AP3S1: variants seen among roughly 807,000 people sequenced by gnomAD.
The protein encoded by AP3S1 is adaptor related protein complex 3 subunit sigma 1, also known as AP-3 complex subunit sigma-1.
A neutral mutation model predicts 21.3 loss-of-function variants in AP3S1; 12 were observed. The observed-to-expected ratio is 0.56, with a 90% confidence interval of 0.36 to 0.91. The LOEUF (loss-of-function observed/expected upper bound fraction) is 0.91. Ranked by LOEUF, AP3S1 falls within the 40% of genes least tolerant of loss-of-function variation. AP3S1 has a pLI of 0.01. For missense variants in AP3S1, 116 were observed against 225.0 expected (o/e 0.52, Z 3.10); for synonymous variants, 48 against 78.4 (o/e 0.61, Z 2.05).
intron 2 of AP3S1, 68 bp from the exon 3 acceptor site, chr5:115,869,949 T>C: frequency 1.0e-6 from 1 of 977,448 alleles, no homozygotes; most frequent in Non-Finnish European, 1.5e-6. Context: ...AAATTGTCAG[T>C]TTGCTTGAGC....
intron 1 of AP3S1, 25 bp downstream of exon 1, chr5:115,842,131 C>A: frequency 1.3e-6 from 2 of 1,514,612 alleles, no homozygotes; most frequent in Admixed American, 2.1e-5. Flanking sequence ...GCCGCTGATC[C>A]GGGCGAGGGG....
chr5:115,899,175 C>A (rs1751007978), intron 4 of AP3S1, among the ~76,000 whole-genome samples: 1 of 152,196 alleles, frequency 6.6e-6, no homozygotes. Flanking sequence ...GACTTAAGAG[C>A]AGAGTGCTTT....
rs886871831 is a variant in AP3S1 at position 115,912,727 on chromosome 5, C to T, written c.454-635C>T. 2.0e-5 allele frequency among the ~76,000 whole-genome samples: 3 copies of T among 152,020 alleles called. No individual in the cohort carries two copies. The East Asian group carries it at 5.8e-4, about 29-fold the overall frequency. On this transcript the variant is annotated intron_variant, in intron 5 of 5. Transcript: ENST00000316788. ...TGCATCAAAGGGTTGGAATGATCCT[C>T]TTCGTGTAGTTTCATCTTTAGGCAG...
intron 1 of AP3S1, among the ~76,000 whole-genome samples, chr5:115,845,197 A>G (rs1160026967): frequency 6.6e-6 from 1 of 152,230 alleles, no homozygotes; most frequent in Non-Finnish European, 1.5e-5. Flanking sequence ...TTATTAAACA[A>G]TATCTAGAGG....
chr5:115,886,499 T>C lies in AP3S1; in HGVS notation c.274-8588T>C, dbSNP rs112698774. Among the ~76,000 whole-genome samples the C allele has an allele frequency of 2.3e-3, 356 of 152,346 alleles. 2 individuals are homozygous for C. Among genetic ancestry groups the C allele is most frequent in the African/African-American group, 8.4e-3 (348 of 41,578 alleles). ...GAGTAAATATATGTTCTCTTCCTTA[T>C]GATTTTCTTAATAACATTTCTTCTC... On this transcript the variant is annotated intron_variant, in intron 3 of 5. Transcript: ENST00000316788.
At chr5:115,848,745 C>A (rs1762237333) in intron 1 of AP3S1, among the ~76,000 whole-genome samples, 1 of 152,196 alleles carries the variant, frequency 6.6e-6, no homozygotes, top group Non-Finnish European at 1.5e-5. Flanking sequence ...CCCCTTCCAA[C>A]TTCTTGTTGT....
At chr5:115,849,370 A>G (rs1389417394) in intron 1 of AP3S1, among the ~76,000 whole-genome samples, 1 of 152,222 alleles carries the variant, frequency 6.6e-6, no homozygotes, top group Non-Finnish European at 1.5e-5. Context: ...GAAGAATATG[A>G]AAACAGTAAA....
chr5:115,903,212 A>G (rs71581217), intron 5 of AP3S1: 52,775 of 362,074 alleles, frequency 0.15, 5,010 homozygotes, highest in East Asian at 0.38. Context: ...CCACAGTCAT[A>G]GCTGCCTTGG....
chr5:115,851,728 A>G (rs1762450695), intron 1 of AP3S1, among the ~76,000 whole-genome samples: 1 of 152,160 alleles, frequency 6.6e-6, no homozygotes, highest in East Asian at 1.9e-4. Context: ...CTCCTGTTGT[A>G]TATATGATTT....
intron 3 of AP3S1, among the ~76,000 whole-genome samples, chr5:115,882,986 G>A (rs1317784211): frequency 6.6e-6 from 1 of 152,178 alleles, no homozygotes; most frequent in East Asian, 1.9e-4. Context: ...TTCCAGGTGG[G>A]TTTGTTTACA....
intron 1 of AP3S1, among the ~76,000 whole-genome samples, chr5:115,850,253 A>G (rs1361277480): frequency 6.6e-6 from 1 of 152,206 alleles, no homozygotes; most frequent in African/African-American, 2.4e-5. Context: ...CCTTGTGCTT[A>G]CTGAGGAAGA....
intron 1 of AP3S1, among the ~76,000 whole-genome samples, chr5:115,854,879 A>G (rs775413556): frequency 2.0e-4 from 31 of 152,216 alleles, no homozygotes; most frequent in Non-Finnish European, 1.5e-4. Flanking sequence ...CTTGCTGCTC[A>G]AAATCATTGT....
intron 3 of AP3S1, among the ~76,000 whole-genome samples, chr5:115,874,019 G>C (rs1019519515): frequency 6.6e-6 from 1 of 152,008 alleles, no homozygotes; most frequent in Admixed American, 6.6e-5. Context: ...CTTTGTATCT[G>C]TATAAAATCT....
chr5:115,854,679 C>CTT (rs3984983), intron 1 of AP3S1, among the ~76,000 whole-genome samples: 4,832 of 144,104 alleles, frequency 0.034, 283 homozygotes, highest in African/African-American at 0.12. Context: ...TCAGATATCT[C>CTT]TTTTTTTTTT....
At chr5:115,857,935 C>G (rs1762911596) in intron 1 of AP3S1, among the ~76,000 whole-genome samples, 1 of 152,114 alleles carries the variant, frequency 6.6e-6, no homozygotes, top group African/African-American at 2.4e-5. Context: ...ATTACCTTTT[C>G]ATTTGATGTA....
intron 1 of AP3S1, among the ~76,000 whole-genome samples, chr5:115,858,846 A>G (rs1225501947): frequency 2.0e-5 from 3 of 150,384 alleles, no homozygotes; most frequent in Non-Finnish European, 4.4e-5. Flanking sequence ...TTAATGATAT[A>G]TATTTTTAAA....
At chr5:115,905,014 T>C (rs1751522114) in intron 5 of AP3S1, among the ~76,000 whole-genome samples, 1 of 152,220 alleles carries the variant, frequency 6.6e-6, no homozygotes, top group Non-Finnish European at 1.5e-5. Flanking sequence ...TTTCTTCTGC[T>C]ACTTAAGACA....
At chr5:115,857,022 G>A (rs1380678512) in intron 1 of AP3S1, among the ~76,000 whole-genome samples, 1 of 152,070 alleles carries the variant, frequency 6.6e-6, no homozygotes, top group East Asian at 1.9e-4. Flanking sequence ...TTTCTTAGTT[G>A]AGTATTGCCA....
chr5:115,877,853 C>T (rs1234359086), intron 3 of AP3S1, among the ~76,000 whole-genome samples: 1 of 152,164 alleles, frequency 6.6e-6, no homozygotes, highest in Non-Finnish European at 1.5e-5. Context: ...CACATCCTCG[C>T]CAGCATCTGT....
Sources: gnomAD v4.1 joint callset for allele counts (sites outside exome capture counted in the v4.1 genomes callset) on GRCh38, gnomAD v4.1.1 for gene constraint, MANE v1.5 for transcripts, NCBI Gene and HGNC (gene_info 2026-07-23, HGNC 2026-07-21) for gene names.